The following SDK1 variants were observed in gnomAD, a reference collection of about 807,000 sequenced individuals.
SDK1 encodes protein sidekick-1.
Under a neutral mutation model 245.5 loss-of-function variants are expected in SDK1, and 157 were observed. That is an observed-to-expected ratio of 0.64 (90% confidence interval 0.56 to 0.73). The LOEUF (loss-of-function observed/expected upper bound fraction) is 0.73, where lower values mean the gene tolerates loss of function less well. SDK1 is among the 30% of genes least tolerant of loss of function. SDK1 has a pLI of 0.00. For missense variants in SDK1, 3,583 were observed against 3,002.3 expected, an observed-to-expected ratio of 1.19 and a Z score of -4.52; for synonymous variants, 1,647 against 1,278.5, an observed-to-expected ratio of 1.29 and a Z score of -6.15.
intron 14 of SDK1, among the ~76,000 whole-genome samples, chr7:4,005,750 G>A (rs1049119741): frequency 6.6e-6 from 1 of 152,160 alleles, no homozygotes; most frequent in Middle Eastern, 3.2e-3. Context: ...AAATCTCCCT[G>A]CTGGGCTTGG....
At chr7:4,253,017 T>C (rs1007788603) in intron 44 of SDK1, among the ~76,000 whole-genome samples, 2 of 152,194 alleles carry the variant, frequency 1.3e-5, no homozygotes, top group African/African-American at 4.8e-5. Context: ...TTTTAATAAT[T>C]TGAGTCCTCT....
intron 1 of SDK1, among the ~76,000 whole-genome samples, chr7:3,484,363 C>T (rs1781612762): frequency 6.6e-6 from 1 of 152,124 alleles, no homozygotes; most frequent in Non-Finnish European, 1.5e-5. Context: ...TGGGGGCTGA[C>T]TTGTTGAATA....
intron 35 of SDK1, among the ~76,000 whole-genome samples, chr7:4,188,457 T>C (rs1199443602): frequency 6.6e-6 from 1 of 152,124 alleles, no homozygotes; most frequent in East Asian, 1.9e-4. Context: ...GGTCTTAGTG[T>C]TTTGTGTTGA....
chr7:3,354,464 C>T (rs983795696), intron 1 of SDK1, among the ~76,000 whole-genome samples: 12 of 152,022 alleles, frequency 7.9e-5, no homozygotes, highest in African/African-American at 2.2e-4. Context: ...AATGATTATT[C>T]GAGAGTTTTC....
chr7:4,009,453 C>T (rs979739643), intron 14 of SDK1, among the ~76,000 whole-genome samples: 1 of 152,188 alleles, frequency 6.6e-6, no homozygotes, highest in Non-Finnish European at 1.5e-5. Context: ...TTTAGGCTCC[C>T]AGAGTAAAAA....
intron 5 of SDK1, among the ~76,000 whole-genome samples, chr7:3,898,327 G>A (rs974929039): frequency 6.6e-6 from 1 of 152,184 alleles, no homozygotes; most frequent in Non-Finnish European, 1.5e-5. Flanking sequence ...AACCACTAGA[G>A]CAAAAAGCGC....
intron 22 of SDK1, among the ~76,000 whole-genome samples, chr7:4,089,513 A>G (rs374782958): frequency 4.1e-4 from 63 of 152,338 alleles, no homozygotes; most frequent in African/African-American, 1.4e-3. Context: ...GCTCCAGGGA[A>G]GAATGAACGG....
chr7:4,245,050 C>T (rs929570029), intron 43 of SDK1, among the ~76,000 whole-genome samples: 2 of 152,180 alleles, frequency 1.3e-5, no homozygotes, highest in Non-Finnish European at 2.9e-5. Flanking sequence ...TTTAATGTAA[C>T]CGAGTCTTCA....
chr7:3,757,467 C>T (rs762039998), intron 4 of SDK1, among the ~76,000 whole-genome samples: 2 of 152,030 alleles, frequency 1.3e-5, no homozygotes, highest in Non-Finnish European at 2.9e-5. Flanking sequence ...AAACTCCTGG[C>T]CTCAAGCAGT....
chr7:3,573,220 G>T (rs182802478), intron 1 of SDK1, among the ~76,000 whole-genome samples: 1 of 152,236 alleles, frequency 6.6e-6, no homozygotes, highest in Non-Finnish European at 1.5e-5. Flanking sequence ...GTGCTGGGAG[G>T]GTGGAGGAAG....
chr7:3,308,460 T>A (rs1055474031), intron 1 of SDK1, among the ~76,000 whole-genome samples: 8 of 152,172 alleles, frequency 5.3e-5, no homozygotes, highest in Non-Finnish European at 8.8e-5. Context: ...TTTTTCACTT[T>A]AACAGGCTTA....
intron 5 of SDK1, among the ~76,000 whole-genome samples, chr7:3,888,157 C>G (rs1781380088): frequency 6.6e-6 from 1 of 152,224 alleles, no homozygotes; most frequent in Admixed American, 6.5e-5. Context: ...AGATGCCGCA[C>G]CTTCTGCCTG....
rs897406638 is a variant in SDK1, at chr7:3,794,251, C to T, written c.714-27199C>T. Among the ~76,000 whole-genome samples the T allele has an allele frequency of 1.1e-4, 17 of 152,270 alleles. No individual in the cohort carries two copies. In the East Asian group the frequency reaches 3.3e-3, roughly 29 times the overall value. On this transcript the variant is annotated intron_variant, in intron 4 of 44. Transcript: ENST00000404826. ...AGCAGCATGGCCGAATGTCCCTTCC[C>T]ACATCTCCTGTCCCTCAAGACACAG... is the stretch of plus-strand genomic sequence containing the variant.
chr7:3,601,973 C>T (rs1781268185), intron 1 of SDK1, among the ~76,000 whole-genome samples: 1 of 151,870 alleles, frequency 6.6e-6, no homozygotes, highest in Admixed American at 6.6e-5. Context: ...TGATGGTTTC[C>T]AGTTTCATCC....
intron 1 of SDK1, among the ~76,000 whole-genome samples, chr7:3,512,403 A>G (rs1228424098): frequency 6.6e-6 from 1 of 152,224 alleles, no homozygotes; most frequent in Non-Finnish European, 1.5e-5. Flanking sequence ...TTTCGCAATT[A>G]TGAATAAAAC....
intron 1 of SDK1, among the ~76,000 whole-genome samples, chr7:3,497,605 T>G (rs1199269432): frequency 6.6e-6 from 1 of 152,230 alleles, no homozygotes; most frequent in Non-Finnish European, 1.5e-5. Context: ...CATTTAATTA[T>G]GGTAATATCC....
chr7:4,173,217 C>T (rs1037370270), intron 32 of SDK1, among the ~76,000 whole-genome samples: 7 of 152,212 alleles, frequency 4.6e-5, no homozygotes, highest in Admixed American at 1.3e-4. Context: ...TGTTCCTTAT[C>T]CCTCATCTGA....
At chr7:4,118,244 C>A (rs1157286552) in intron 25 of SDK1, among the ~76,000 whole-genome samples, 4 of 151,988 alleles carry the variant, frequency 2.6e-5, no homozygotes, top group African/African-American at 9.7e-5. Context: ...GACAAATGAC[C>A]CAGTTAAAAA....
chr7:3,497,220 A>G lies in SDK1; in HGVS notation c.299-121860A>G, dbSNP rs192464911. Among the ~76,000 whole-genome samples, 155 of 152,200 alleles carry G rather than the reference A, an allele frequency of 1.0e-3. No homozygotes were observed. The Middle Eastern group carries it at 0.031, about 30-fold the overall frequency. ...TTACCACTCAGCGAAGGCAATGGTT[A>G]CTCTTTTATTTTTTAAATTGGTTTG... On this transcript the variant is annotated intron_variant, in intron 1 of 44. Transcript: ENST00000404826.
Sources: gnomAD v4.1 joint callset for allele counts (sites outside exome capture counted in the v4.1 genomes callset) on GRCh38, gnomAD v4.1.1 for gene constraint, MANE v1.5 for transcripts, NCBI Gene and HGNC (gene_info 2026-07-23, HGNC 2026-07-21) for gene names.